ERBB4: variants seen among roughly 807,000 people sequenced by gnomAD.
The protein encoded by ERBB4 is erb-b2 receptor tyrosine kinase 4.
Under a neutral mutation model 158.0 loss-of-function variants are expected in ERBB4, and 42 were observed. That is an observed-to-expected ratio of 0.27 (90% confidence interval 0.21 to 0.34). The LOEUF is 0.34. Ranked by LOEUF, ERBB4 falls within the 10% of genes least tolerant of loss-of-function variation. The probability of loss-of-function intolerance (pLI) is 1.00; values close to 1 mark genes in which losing one functional copy is unlikely to be tolerated. For missense variants in ERBB4, 1,333 were observed against 1,624.1 expected (o/e 0.82, Z 3.08); for synonymous variants, 583 against 558.7 (o/e 1.04, Z -0.61).
intron 1 of ERBB4, among the ~76,000 whole-genome samples, chr2:212,423,575 G>A (rs1425454889): frequency 6.6e-6 from 1 of 152,170 alleles, no homozygotes; most frequent in Admixed American, 6.5e-5. Flanking sequence ...GTTGTCTGCT[G>A]TATAAAGCTT....
chr2:211,867,779 C>A (rs1036335175), intron 3 of ERBB4, among the ~76,000 whole-genome samples: 2 of 152,116 alleles, frequency 1.3e-5, no homozygotes, highest in African/African-American at 4.8e-5. Flanking sequence ...CTTTGTGGAA[C>A]AACTTAAACC....
intron 1 of ERBB4, among the ~76,000 whole-genome samples, chr2:212,236,229 G>A (rs1161352149): frequency 2.6e-5 from 4 of 152,128 alleles, no homozygotes; most frequent in African/African-American, 9.7e-5. Context: ...ATAATCATGT[G>A]GTTTTTGTCA....
Position 211,722,539 on chromosome 2 carries a change from A to G in ERBB4, c.742-5T>C. On this transcript the variant is annotated splice_region_variant and splice_polypyrimidine_tract_variant and intron_variant, in intron 6 of 27. Coordinates refer to ENST00000342788, the MANE Select transcript of ERBB4 (RefSeq NM_005235.3). ...GTCATTGAAATTCATGCAGGCCTGC[A>G]ACACAGCAAATATTACTTTCATTTA... 6.2e-7 allele frequency: 1 copy of G among 1,613,890 alleles called. No homozygotes were observed. The highest frequency in any genetic ancestry group is 1.1e-5 in the South Asian group (1 of 91,074).
At chr2:212,045,156 A>G (rs975080573) in intron 2 of ERBB4, among the ~76,000 whole-genome samples, 1 of 152,198 alleles carries the variant, frequency 6.6e-6, no homozygotes, top group African/African-American at 2.4e-5. Context: ...GCAATTAAAT[A>G]TACTACGTGA....
At chr2:211,517,322 A>G (rs1442625168) in intron 20 of ERBB4, among the ~76,000 whole-genome samples, 3 of 152,150 alleles carry the variant, frequency 2.0e-5, no homozygotes, top group Non-Finnish European at 4.4e-5. Context: ...TAAAGTTGCT[A>G]TAAGTAGTAT....
intron 25 of ERBB4, among the ~76,000 whole-genome samples, chr2:211,418,296 A>G (rs2063438519): frequency 6.6e-6 from 1 of 152,168 alleles, no homozygotes; most frequent in African/African-American, 2.4e-5. Flanking sequence ...GCATTTGTAC[A>G]TGTTAGAAAT....
chr2:211,463,073 C>G (rs576525377), intron 20 of ERBB4, among the ~76,000 whole-genome samples: 1 of 152,028 alleles, frequency 6.6e-6, no homozygotes, highest in Admixed American at 6.6e-5. Flanking sequence ...CTAAAATTAT[C>G]CCAGAAAAAA....
intron 7 of ERBB4, among the ~76,000 whole-genome samples, chr2:211,719,094 T>A (rs1216414182): frequency 1.3e-5 from 2 of 152,192 alleles, no homozygotes; most frequent in African/African-American, 4.8e-5. Context: ...TCCCATGACT[T>A]CTTGTTCTGT....
chr2:211,799,561 A>T (rs982270614), intron 3 of ERBB4, among the ~76,000 whole-genome samples: 1 of 152,158 alleles, frequency 6.6e-6, no homozygotes, highest in Non-Finnish European at 1.5e-5. Flanking sequence ...GGTAACCATG[A>T]CTCTGCCATA....
chr2:212,168,688 T>C (rs2081422718), intron 1 of ERBB4, among the ~76,000 whole-genome samples: 1 of 152,170 alleles, frequency 6.6e-6, no homozygotes, highest in Non-Finnish European at 1.5e-5. Context: ...ACATGACATT[T>C]GAACCAGGTT....
intron 2 of ERBB4, among the ~76,000 whole-genome samples, chr2:212,081,577 AGTCTAAATACATTTACT>A (rs2078444321): frequency 1.3e-5 from 2 of 152,116 alleles, no homozygotes; most frequent in African/African-American, 4.8e-5. Context: ...CCTGTGCTTG[AGTCTAAATACATTTACT>A]GATTAAAAAG....
chr2:212,471,498 T>C (rs1402402418), intron 1 of ERBB4, among the ~76,000 whole-genome samples: 1 of 151,926 alleles, frequency 6.6e-6, no homozygotes, highest in African/African-American at 2.4e-5. Context: ...TCTGCAACAT[T>C]GAAAATTAAG....
chr2:212,182,558 T>G (rs2081901087), intron 1 of ERBB4, among the ~76,000 whole-genome samples: 1 of 151,862 alleles, frequency 6.6e-6, no homozygotes, highest in Admixed American at 6.6e-5. Context: ...AATGATGCTC[T>G]GAACTGTTGT....
At chr2:212,311,444 T>C (rs757238339) in intron 1 of ERBB4, among the ~76,000 whole-genome samples, 1 of 150,828 alleles carries the variant, frequency 6.6e-6, no homozygotes, top group African/African-American at 2.4e-5. Context: ...CCTATCACCA[T>C]AGAGTTGCAA....
chr2:212,394,557 T>C (rs1364732424), intron 1 of ERBB4, among the ~76,000 whole-genome samples: 3 of 152,050 alleles, frequency 2.0e-5, no homozygotes, highest in African/African-American at 4.8e-5. Flanking sequence ...ATTTAATTTA[T>C]AGACCATTAA....
chr2:211,412,635 A>C (rs1369178381), intron 25 of ERBB4, among the ~76,000 whole-genome samples: 1 of 152,062 alleles, frequency 6.6e-6, no homozygotes, highest in Non-Finnish European at 1.5e-5. Flanking sequence ...TCAATATATT[A>C]ATTCATTTAC....
chr2:211,628,319 T>C (rs2125867261), intron 17 of ERBB4, among the ~76,000 whole-genome samples: 1 of 152,298 alleles, frequency 6.6e-6, no homozygotes, highest in East Asian at 1.9e-4. Flanking sequence ...CCCTCCCCAC[T>C]TGCCTCACCC....
At chr2:211,763,971 G>A (rs868015347) in intron 4 of ERBB4, among the ~76,000 whole-genome samples, 6 of 151,318 alleles carry the variant, frequency 4.0e-5, no homozygotes, top group Non-Finnish European at 5.9e-5. Context: ...TAACAAATAG[G>A]CACATTTCTA....
At chr2:212,257,182 A>G (rs963506586) in intron 1 of ERBB4, among the ~76,000 whole-genome samples, 2 of 152,146 alleles carry the variant, frequency 1.3e-5, no homozygotes, top group African/African-American at 4.8e-5. Context: ...AATAACTTAA[A>G]TCCAAAACTT....
Sources: allele counts gnomAD v4.1 joint callset (sites outside exome capture counted in the v4.1 genomes callset), GRCh38; gene constraint gnomAD v4.1.1; transcripts MANE v1.5; gene names NCBI Gene and HGNC (gene_info 2026-07-23, HGNC 2026-07-21).